The following DLGAP1 variants were observed in gnomAD, a reference collection of about 807,000 sequenced individuals.
DLGAP1 encodes the protein disks large-associated protein 1.
In DLGAP1, 11 loss-of-function variants were observed where a neutral mutation model predicts 90.8. That is an observed-to-expected ratio of 0.12 (90% CI 0.08 to 0.20). DLGAP1 has a LOEUF of 0.20. Among genes scored for constraint, DLGAP1 ranks in the 10% least tolerant of loss-of-function variants. DLGAP1 has a pLI of 1.00. For synonymous variants in DLGAP1, 558 were observed against 540.7 expected, an observed-to-expected ratio of 1.03 and a Z score of -0.44; for missense variants, 1,050 against 1,333.8, an observed-to-expected ratio of 0.79 and a Z score of 3.31.
At chr18:3,982,099 A>G (rs1288840332) in intron 3 of DLGAP1, among the ~76,000 whole-genome samples, 1 of 152,178 alleles carries the variant, frequency 6.6e-6, no homozygotes, top group Non-Finnish European at 1.5e-5. Context: ...GGGCAGATAA[A>G]ATAAAATAAA....
At chr18:3,673,942 A>G (rs1313441580) in intron 7 of DLGAP1, among the ~76,000 whole-genome samples, 1 of 151,544 alleles carries the variant, frequency 6.6e-6, no homozygotes, top group Non-Finnish European at 1.5e-5. Context: ...TCCTGGGTTC[A>G]AGCGATTCTC....
At chr18:3,853,537 T>C (rs1255121141) in intron 4 of DLGAP1, among the ~76,000 whole-genome samples, 2 of 151,690 alleles carry the variant, frequency 1.3e-5, no homozygotes, top group African/African-American at 4.8e-5. Context: ...ATATCATAGC[T>C]GAGGGGTGTA....
chr18:3,499,737 G>C lies in DLGAP1; in HGVS notation c.2725-343C>G, dbSNP rs1235355587. On this transcript the variant is annotated intron_variant, in intron 12 of 12. Coordinates refer to ENST00000315677, the MANE Select transcript of DLGAP1 (RefSeq NM_004746.4). The surrounding 1 kb of genome is among the most constrained non-coding windows in gnomAD (Gnocchi z 6.4). ...CTCTGGAGACTCCAGACTCCTCCTG[G>C]TGCCAGAGATGGGCCAGGAAGCAGC... 6.6e-6 allele frequency among the ~76,000 whole-genome samples: 1 copy of C among 152,082 alleles called. No homozygotes were observed. Among genetic ancestry groups the C allele is most frequent in the African/African-American group, 2.4e-5 (1 of 41,410 alleles).
chr18:3,870,605 C>CCTCT (rs2070685502), intron 4 of DLGAP1, among the ~76,000 whole-genome samples: 3 of 148,114 alleles, frequency 2.0e-5, no homozygotes, highest in Non-Finnish European at 4.5e-5. Context: ...TACATAAATA[C>CCTCT]ATCTATCTAT....
At chr18:4,127,211 A>G (rs932936927) in intron 2 of DLGAP1, among the ~76,000 whole-genome samples, 1 of 152,216 alleles carries the variant, frequency 6.6e-6, no homozygotes, top group Non-Finnish European at 1.5e-5. Context: ...AAAAGCCAGC[A>G]TGCACCTTCA....
At chr18:3,676,019 G>A (rs4534951) in intron 7 of DLGAP1, among the ~76,000 whole-genome samples, 99,311 of 152,114 alleles carry the variant, frequency 0.65, 34,361 homozygotes, top group African/African-American at 0.89. Context: ...AGCAGCCCCA[G>A]ACTATTTGTT....
chr18:3,682,887 T>A (rs1051453414), intron 7 of DLGAP1, among the ~76,000 whole-genome samples: 1 of 151,778 alleles, frequency 6.6e-6, no homozygotes, highest in Non-Finnish European at 1.5e-5. Flanking sequence ...AGATGGAGTC[T>A]TGTTCTGTTG....
intron 3 of DLGAP1, among the ~76,000 whole-genome samples, chr18:3,985,051 C>T (rs2073815281): frequency 6.6e-6 from 1 of 152,158 alleles, no homozygotes; most frequent in Admixed American, 6.5e-5. Context: ...TTTATCTAAT[C>T]CTAACCCATT....
intron 1 of DLGAP1, among the ~76,000 whole-genome samples, chr18:4,334,063 A>C (rs2143765142): frequency 6.6e-6 from 1 of 151,508 alleles, no homozygotes; most frequent in East Asian, 2.0e-4. Context: ...ACATGGGGAA[A>C]TCCTGTCTCT....
At chr18:3,563,488 A>C (rs1231914906) in intron 9 of DLGAP1, among the ~76,000 whole-genome samples, 5 of 119,010 alleles carry the variant, frequency 4.2e-5, no homozygotes, top group Non-Finnish European at 8.5e-5. Flanking sequence ...TTTTTTTTTG[A>C]GACGGAATTT....
At chr18:4,116,436 C>G (rs999064809) in intron 2 of DLGAP1, among the ~76,000 whole-genome samples, 3 of 151,672 alleles carry the variant, frequency 2.0e-5, no homozygotes, top group African/African-American at 7.3e-5. Flanking sequence ...ATATTTTTTT[C>G]TGCTCCTTTC....
intron 4 of DLGAP1, among the ~76,000 whole-genome samples, chr18:3,861,548 C>G (rs936344904): frequency 2.0e-5 from 3 of 152,116 alleles, no homozygotes; most frequent in Admixed American, 1.3e-4. Flanking sequence ...TCCAATCTTG[C>G]ACATCCTACA....
Position 3,581,976 on chromosome 18 carries a change from T to G in DLGAP1, c.1864A>C (p.Thr622Pro), listed in dbSNP as rs771404642. 6.2e-7 allele frequency: 1 copy of G among 1,613,922 alleles called. No individual in the cohort carries two copies. Among genetic ancestry groups the G allele is most frequent in the Admixed American group, 1.7e-5 (1 of 59,976 alleles). ...GTAGTCGTGGTGGTGACGGTGGCAGTGTTATTGCCCATGTGTTGACTGGCA... is the reference window on the plus strand; with the variant it reads ...GTAGTCGTGGTGGTGACGGTGGCAGGGTTATTGCCCATGTGTTGACTGGCA... ...GPASQHMGNNTATVTTTTTIA... is the reference protein window; with the variant it reads ...GPASQHMGNNPATVTTTTTIA... The change falls in exon 8 of 13, where the codon ACT becomes CCT. Residue 622 changes from threonine (T) to proline (P), a missense_variant. Thr to Pro is a conservative substitution (Grantham distance 38). Coordinates refer to ENST00000315677, the MANE Select transcript of DLGAP1 (RefSeq NM_004746.4).
chr18:4,109,259 C>T (rs2075927811), intron 2 of DLGAP1, among the ~76,000 whole-genome samples: 1 of 151,874 alleles, frequency 6.6e-6, no homozygotes, highest in Non-Finnish European at 1.5e-5. Context: ...CACACCTATG[C>T]CAGCTTTTAA....
At chr18:3,908,735 C>T (rs2071968165) in intron 3 of DLGAP1, among the ~76,000 whole-genome samples, 1 of 152,200 alleles carries the variant, frequency 6.6e-6, no homozygotes, top group African/African-American at 2.4e-5. Context: ...TAGCAGGTAA[C>T]ATCCAATTTT....
At chr18:4,213,466 G>A (rs1020612254) in intron 1 of DLGAP1, among the ~76,000 whole-genome samples, 3 of 152,066 alleles carry the variant, frequency 2.0e-5, no homozygotes, top group Non-Finnish European at 4.4e-5. Flanking sequence ...TTAATTAGGA[G>A]AAGATTATTT....
intron 2 of DLGAP1, among the ~76,000 whole-genome samples, chr18:4,066,540 A>C (rs2075372765): frequency 6.6e-6 from 1 of 152,174 alleles, no homozygotes; most frequent in South Asian, 2.1e-4. Flanking sequence ...TTTCAAAAGA[A>C]GACATATATG....
chr18:3,791,539 T>C (rs1394905706), intron 5 of DLGAP1, among the ~76,000 whole-genome samples: 3 of 151,656 alleles, frequency 2.0e-5, no homozygotes, highest in Non-Finnish European at 4.4e-5. Flanking sequence ...TGTGCACGCA[T>C]GTGTGTGTGT....
At chr18:4,257,901 A>C (rs1349316034) in intron 1 of DLGAP1, among the ~76,000 whole-genome samples, 1 of 151,848 alleles carries the variant, frequency 6.6e-6, no homozygotes, top group African/African-American at 2.4e-5. Context: ...CTGGGATTAC[A>C]GGCGTGAGCT....
Sources: allele counts gnomAD v4.1 joint callset (sites outside exome capture counted in the v4.1 genomes callset), GRCh38; gene constraint gnomAD v4.1.1; non-coding constraint Gnocchi (gnomAD v3.1); transcripts MANE v1.5; gene names NCBI Gene and HGNC (gene_info 2026-07-23, HGNC 2026-07-21).